PACSIN3: variants seen among roughly 807,000 people sequenced by gnomAD.
PACSIN3 encodes the protein protein kinase C and casein kinase substrate in neurons protein 3.
A neutral mutation model predicts 56.1 loss-of-function variants in PACSIN3; 34 were observed. The observed-to-expected ratio is 0.61, with a 90% confidence interval of 0.46 to 0.81. The LOEUF (loss-of-function observed/expected upper bound fraction) is 0.81. PACSIN3 is among the 30% of genes least tolerant of loss of function. The pLI is 0.00. For missense variants in PACSIN3, 535 were observed against 592.4 expected (o/e 0.90, Z 1.01); for synonymous variants, 218 against 229.8 (o/e 0.95, Z 0.46).
rs1953059153 is a variant in PACSIN3, at chr11:47,183,062, G to A, written c.-96C>T. 8 of 264,334 alleles carry A rather than the reference G, an allele frequency of 3.0e-5. No homozygotes were observed. The South Asian group carries it at 7.6e-4, about 25-fold the overall frequency. 16.4% of individuals were successfully genotyped at this position (264,334 alleles called of 1,614,324 possible). ...GTCCAACTCTCAATGCTGCCACCGT[G>A]ACTCTGCCTTGAAGGAGAACAGAGC... On this transcript the variant is annotated 5_prime_UTR_variant, in exon 2 of 11. Coordinates refer to ENST00000298838, the MANE Select transcript of PACSIN3 (RefSeq NM_016223.5).
chr11:47,182,878 T>A (rs918081898), intron 2 of PACSIN3, 114 bp from the exon 3 acceptor site: 2 of 729,308 alleles, frequency 2.7e-6, no homozygotes, highest in African/African-American at 3.6e-5. Context: ...ACCCAAGGAG[T>A]CATCAGAGCT....
rs867450385 is a variant in PACSIN3, at chr11:47,179,376, A to G, written c.779+35T>C. The G allele has an allele frequency of 5.0e-6, 8 of 1,612,866 alleles. No individual in the cohort carries two copies. The Middle Eastern group carries it at 1.3e-3, about 266-fold the overall frequency. ...GGGGAGATGGAGGAGACCCAGTACT[A>G]CCCCAGATCTCCATGCCCACCAGGC... On this transcript the variant is annotated intron_variant, in intron 7 of 10. Coordinates refer to ENST00000298838, the MANE Select transcript of PACSIN3 (RefSeq NM_016223.5). The surrounding 1 kb of genome is among the most constrained non-coding windows in gnomAD (Gnocchi z 4.4).
rs1384553169 is a variant in PACSIN3, at chr11:47,179,106, G to A, written c.900+53C>T. On this transcript the variant is annotated intron_variant, in intron 8 of 10. Coordinates refer to ENST00000298838, the MANE Select transcript of PACSIN3 (RefSeq NM_016223.5). This position sits in a 1 kb window ranked among gnomAD's most constrained non-coding sequence, Gnocchi z 4.4. ...TTACTTCATCCCTAGCCCTGGCCGA[G>A]CTGAGTGGGAGCCCATCCCACCTCC... 1.9e-6 allele frequency: 3 copies of A among 1,613,390 alleles called. No homozygotes were observed. The African/African-American group carries it at 4.0e-5, about 22-fold the overall frequency.
intron 4 of PACSIN3, among the ~76,000 whole-genome samples, chr11:47,181,955 C>A (rs753055195): frequency 6.6e-6 from 1 of 152,024 alleles, no homozygotes; most frequent in Non-Finnish European, 1.5e-5. Flanking sequence ...GAGTTTGAGA[C>A]CAGCCTGGCC....
At chr11:47,182,262 T>C (rs1953039652) in intron 4 of PACSIN3, 141 bp downstream of exon 4, 5 of 759,652 alleles carry the variant, frequency 6.6e-6, no homozygotes, top group African/African-American at 1.8e-5. Flanking sequence ...ACCACAGCCA[T>C]GAGGATGACC....
chr11:47,180,844 C>T (rs1396155340), intron 4 of PACSIN3, among the ~76,000 whole-genome samples, 154 bp from the exon 5 acceptor site: 2 of 152,232 alleles, frequency 1.3e-5, no homozygotes, highest in Non-Finnish European at 2.9e-5. Context: ...GAATGAGGAC[C>T]ATGTGCCTTA....
chr11:47,179,697 G>C lies in PACSIN3; in HGVS notation c.604-111C>G, dbSNP rs1413730725. The C allele has an allele frequency of 9.6e-7, 1 of 1,038,084 alleles. No homozygotes were observed. Among genetic ancestry groups the C allele is most frequent in the South Asian group, 1.6e-5 (1 of 63,294 alleles). 64.3% of individuals were successfully genotyped at this position (1,038,084 alleles called of 1,614,324 possible). ...TGCTAGACCCAGGGCTAGCCACTAG[G>C]GGCAATCAGTCCCAAGACCCAGCTC... On this transcript the variant is annotated intron_variant, in intron 6 of 10. Transcript: ENST00000298838. The surrounding 1 kb of genome is among the most constrained non-coding windows in gnomAD (Gnocchi z 4.4).
Position 47,179,369 on chromosome 11 carries a change from C to G in PACSIN3, c.779+42G>C. 6.2e-7 allele frequency: 1 copy of G among 1,612,844 alleles called. No homozygotes were observed. The highest frequency in any genetic ancestry group is 8.5e-7 in the Non-Finnish European group (1 of 1,179,088). ...GGGCCTCGGGGAGATGGAGGAGACC[C>G]AGTACTACCCCAGATCTCCATGCCC... is the stretch of plus-strand genomic sequence containing the variant. On this transcript the variant is annotated intron_variant, in intron 7 of 10. Coordinates refer to ENST00000298838, the MANE Select transcript of PACSIN3 (RefSeq NM_016223.5). The surrounding 1 kb of genome is among the most constrained non-coding windows in gnomAD (Gnocchi z 4.4).
chr11:47,183,461 A>C (rs1184381657), intron 1 of PACSIN3: 1 of 152,284 alleles, frequency 6.6e-6, no homozygotes, highest in African/African-American at 2.4e-5. Flanking sequence ...AGTGTATGTA[A>C]CTGTCTCCTC....
chr11:47,180,819 T>A, intron 4 of PACSIN3, 129 bp from the exon 5 acceptor site: 1 of 671,976 alleles, frequency 1.5e-6, no homozygotes, highest in Non-Finnish European at 2.5e-6. Context: ...GACAACCCTG[T>A]CAGCTGGGCT....
Position 47,179,608 on chromosome 11 carries a change from T to A in PACSIN3, c.604-22A>T. On this transcript the variant is annotated intron_variant, in intron 6 of 10. Coordinates refer to ENST00000298838, the MANE Select transcript of PACSIN3 (RefSeq NM_016223.5). This position sits in a 1 kb window ranked among gnomAD's most constrained non-coding sequence, Gnocchi z 4.4. ...TTGTCTGGGTGGGAGAGGAGGGGCCTGGTGAGAACCAGACCTTCTTCCACC... is the reference window on the plus strand; with the variant it reads ...TTGTCTGGGTGGGAGAGGAGGGGCCAGGTGAGAACCAGACCTTCTTCCACC... 85 of 1,608,374 alleles carry A rather than the reference T, an allele frequency of 5.3e-5. No homozygotes were observed. Among genetic ancestry groups the A allele is most frequent in the Non-Finnish European group, 7.1e-5 (84 of 1,179,048 alleles).
At chr11:47,181,863 G>C (rs921262826) in intron 4 of PACSIN3, among the ~76,000 whole-genome samples, 7 of 151,832 alleles carry the variant, frequency 4.6e-5, no homozygotes, top group Non-Finnish European at 1.0e-4. Context: ...AATAAACAAA[G>C]GAAAGAAGGC....
At chr11:47,185,187 T>A (rs1590976579) in intron 1 of PACSIN3, 1 of 152,350 alleles carries the variant, frequency 6.6e-6, no homozygotes, top group African/African-American at 2.4e-5. Context: ...GAGGTCTTCC[T>A]GGGCTTGGCA....
In PACSIN3 at chr11:47,178,072, C is replaced by A; in HGVS notation, c.1160-26G>T. ...CTGGGGGAAAGGGGATTGGTCACTG[C>A]CAGTGGCCCTGGCCCAGGCCCTGTT... On this transcript the variant is annotated intron_variant, in intron 10 of 10. Coordinates refer to ENST00000298838, the MANE Select transcript of PACSIN3 (RefSeq NM_016223.5). The surrounding 1 kb of genome is among the most constrained non-coding windows in gnomAD (Gnocchi z 4.2). 2 of 1,573,434 alleles carry A rather than the reference C, an allele frequency of 1.3e-6. No individual in the cohort carries two copies.
At chr11:47,180,157 G>C in intron 6 of PACSIN3, 29 bp downstream of exon 6, 1 of 1,585,896 alleles carries the variant, frequency 6.3e-7, no homozygotes. Flanking sequence ...CCCTGGGCGG[G>C]GGCCAGGGCT....
chr11:47,182,299 G>C, intron 4 of PACSIN3, 104 bp downstream of exon 4: 1 of 1,090,650 alleles, frequency 9.2e-7, no homozygotes. Context: ...TCTAAGGGAG[G>C]GTAGACGTGG....
Position 47,180,437 on chromosome 11 carries a change from T to C in PACSIN3, c.447+18A>G. 4 of 1,590,258 alleles carry C rather than the reference T, an allele frequency of 2.5e-6. No homozygotes were observed. Among genetic ancestry groups the C allele is most frequent in the Non-Finnish European group, 3.4e-6 (4 of 1,170,362 alleles). On this transcript the variant is annotated intron_variant, in intron 5 of 10. Coordinates refer to ENST00000298838, the MANE Select transcript of PACSIN3 (RefSeq NM_016223.5). ...CAGGAAGGAGCCTGTCTCGGATACC[T>C]CCCCCACCCAGCCTCACCTCCTTCA...
chr11:47,177,702 C>T lies in PACSIN3; in HGVS notation c.*229G>A. 2 of 562,112 alleles carry T rather than the reference C, an allele frequency of 3.6e-6. No homozygotes were observed. The highest frequency in any genetic ancestry group is 2.2e-5 in the South Asian group (1 of 44,608). The allele number at this position is 562,112 out of a possible 1,614,324, so 34.8% of individuals were successfully genotyped here. A position where few individuals can be genotyped will look rare whatever the true frequency, so the allele number is the denominator to read the frequency against. ...GAGGCCCAGGCACCCCTGAACGCTT[C>T]TGTCACCTCTGACCTCCCATCTTGC... On this transcript the variant is annotated 3_prime_UTR_variant, in exon 11 of 11. Transcript: ENST00000298838.
At chr11:47,183,748 G>A (rs1383739683) in intron 1 of PACSIN3, among the ~76,000 whole-genome samples, 2 of 152,242 alleles carry the variant, frequency 1.3e-5, no homozygotes, top group African/African-American at 4.8e-5. Context: ...CAGGCTGGGT[G>A]TGGTGGCTCA....
Sources: gnomAD v4.1 joint callset for allele counts (sites outside exome capture counted in the v4.1 genomes callset) on GRCh38, gnomAD v4.1.1 for gene constraint, Gnocchi (gnomAD v3.1) non-coding constraint, MANE v1.5 for transcripts, NCBI Gene and HGNC (gene_info 2026-07-23, HGNC 2026-07-21) for gene names.